The following AFF2 variants were observed in gnomAD, a reference collection of about 807,000 sequenced individuals.
The protein encoded by AFF2 is AF4/FMR2 family member 2.
AFF2 carries 14 observed loss-of-function variants against 76.9 expected under a neutral mutation model. The ratio of observed to expected loss-of-function variants is 0.18; its 90% CI spans 0.12 to 0.28. The LOEUF (loss-of-function observed/expected upper bound fraction) is 0.28. Among genes scored for constraint, AFF2 ranks in the 10% least tolerant of loss-of-function variants. The pLI is 1.00. For missense variants in AFF2, 868 were observed against 1,001.1 expected, an observed-to-expected ratio of 0.87 and a Z score of 1.79; for synonymous variants, 398 against 366.7, an observed-to-expected ratio of 1.09 and a Z score of -0.98.
chrX:148,580,851 A>C (rs1459329395), intron 1 of AFF2, among the ~76,000 whole-genome samples: 2 of 108,070 alleles, frequency 1.9e-5, no homozygotes, highest in Non-Finnish European at 3.8e-5. Context: ...TTATACTATT[A>C]TTACAGCTCT....
At chrX:148,780,560 G>A (rs1377497867) in intron 3 of AFF2, among the ~76,000 whole-genome samples, 2 of 111,691 alleles carry the variant, frequency 1.8e-5, no homozygotes, top group African/African-American at 3.3e-5. Flanking sequence ...ACTTGTGAAT[G>A]CTTCACAAAG....
chrX:148,930,755 G>A (rs1397940431), intron 9 of AFF2, among the ~76,000 whole-genome samples: 4 of 112,234 alleles, frequency 3.6e-5, no homozygotes, highest in African/African-American at 6.5e-5. Context: ...CTGACCTGAA[G>A]CTGATGAGGG....
intron 7 of AFF2, among the ~76,000 whole-genome samples, chrX:148,851,317 T>C (rs1310924884): frequency 2.7e-5 from 3 of 112,245 alleles, no homozygotes; most frequent in African/African-American, 9.7e-5. Flanking sequence ...ATCCACCCAC[T>C]TTAACAATGT....
chrX:148,620,588 C>G (rs931187656), intron 1 of AFF2, among the ~76,000 whole-genome samples: 1 of 110,145 alleles, frequency 9.1e-6, no homozygotes, highest in Admixed American at 9.7e-5. Context: ...TGATCTTACT[C>G]TGGAAAAGAC....
In AFF2 at chrX:148,612,687, C is replaced by T. The variant is rs1228743889; in HGVS notation, c.48-39312C>T. Among the ~76,000 whole-genome samples, 5 of 111,929 alleles carry T rather than the reference C, an allele frequency of 4.5e-5. No homozygotes were observed. In the Admixed American group the frequency reaches 4.7e-4, roughly 11 times the overall value. On this transcript the variant is annotated intron_variant, in intron 1 of 20. Transcript: ENST00000370460. Reference sequence around the variant, plus strand: ...CCCAGTAACTGGAAGAAACAACATGCTAGCTAAGGCCAGACATTTTGTACA... The same window carrying T: ...CCCAGTAACTGGAAGAAACAACATGTTAGCTAAGGCCAGACATTTTGTACA...
chrX:148,929,777 T>C (rs1025504113), intron 9 of AFF2, among the ~76,000 whole-genome samples: 56 of 111,820 alleles, frequency 5.0e-4, no homozygotes, highest in African/African-American at 1.7e-3. Context: ...AGATTCAAGT[T>C]GTCCAGAGGA....
chrX:148,581,290 ATACGTG>A (rs1557244761), intron 1 of AFF2, among the ~76,000 whole-genome samples: 14 of 95,225 alleles, frequency 1.5e-4, no homozygotes, highest in Non-Finnish European at 2.3e-4. Context: ...GTATATACGT[ATACGTG>A]TACACACATA....
chrX:148,704,029 G>A (rs1186437597), intron 3 of AFF2, among the ~76,000 whole-genome samples: 1 of 105,382 alleles, frequency 9.5e-6, no homozygotes, highest in African/African-American at 3.4e-5. Context: ...CCAAGTAGCT[G>A]GGACTACAGG....
intron 1 of AFF2, among the ~76,000 whole-genome samples, chrX:148,531,672 G>A (rs564201267): frequency 1.8e-5 from 2 of 111,768 alleles, no homozygotes; most frequent in Middle Eastern, 4.6e-3. Flanking sequence ...AGGGGTTAAC[G>A]TTTTCCCAAA....
intron 1 of AFF2, among the ~76,000 whole-genome samples, chrX:148,540,785 C>T (rs782354794): frequency 1.1e-3 from 123 of 111,721 alleles, no homozygotes; most frequent in African/African-American, 3.8e-3. Flanking sequence ...GGAGAATGTG[C>T]AAAACTCACG....
intron 3 of AFF2, among the ~76,000 whole-genome samples, chrX:148,732,226 A>T (rs2055229417): frequency 1.1e-5 from 1 of 90,554 alleles, no homozygotes; most frequent in Non-Finnish European, 2.1e-5. Flanking sequence ...CATATACACC[A>T]TGGAATACTA....
intron 3 of AFF2, among the ~76,000 whole-genome samples, chrX:148,790,706 G>A (rs2069882030): frequency 9.1e-6 from 1 of 110,268 alleles, no homozygotes; most frequent in Non-Finnish European, 1.9e-5. Flanking sequence ...GTTGGGGGAG[G>A]GAGACCATTA....
At chrX:148,866,293 T>G (rs1207453824) in intron 7 of AFF2, among the ~76,000 whole-genome samples, 1 of 112,269 alleles carries the variant, frequency 8.9e-6, no homozygotes. Flanking sequence ...AAACAATCAA[T>G]ACGGTAGAGT....
Position 148,988,518 on chromosome X carries a change from C to T in AFF2, c.3814+961C>T, listed in dbSNP as rs140862628. Among the ~76,000 whole-genome samples, 23 of 111,644 alleles carry T rather than the reference C, an allele frequency of 2.1e-4. No individual in the cohort carries two copies. In the East Asian group the frequency reaches 6.4e-3, roughly 31 times the overall value. ...TCCTAGCTTCTGTCTCTATAATGGA[C>T]GTAATGGTGATGATGATGGTGAAAC... On this transcript the variant is annotated intron_variant, in intron 20 of 20. Coordinates refer to ENST00000370460, the MANE Select transcript of AFF2 (RefSeq NM_002025.4).
chrX:148,670,819 C>T (rs149748208), intron 3 of AFF2, among the ~76,000 whole-genome samples: 2,184 of 111,839 alleles, frequency 0.02, 22 homozygotes, highest in Non-Finnish European at 0.029. Flanking sequence ...AAAGTAATGC[C>T]GAACTGGCTA....
At chrX:148,699,386 C>T (rs1027152682) in intron 3 of AFF2, among the ~76,000 whole-genome samples, 3 of 111,958 alleles carry the variant, frequency 2.7e-5, no homozygotes, top group Non-Finnish European at 5.6e-5. Flanking sequence ...CATTTATATC[C>T]TCTGGTTTAG....
intron 3 of AFF2, among the ~76,000 whole-genome samples, chrX:148,805,978 ACG>A (rs1261671040): frequency 8.9e-6 from 1 of 112,399 alleles, no homozygotes; most frequent in Non-Finnish European, 1.9e-5. Context: ...ATGAGAAAGG[ACG>A]CTGCAGCTCT....
Position 148,808,851 on chromosome X carries a change from G to A in AFF2, c.1042-1025G>A, listed in dbSNP as rs1372586. 9.9e-3 allele frequency among the ~76,000 whole-genome samples: 1,111 copies of A among 111,926 alleles called. 11 individuals carry two copies. Among genetic ancestry groups the A allele is most frequent in the East Asian group, 0.053 (188 of 3,567 alleles). ...GTGAGGAAATCTAGTGCCGTATTCT[G>A]TTCTTCATTTACCCAAGTATAGTTG... On this transcript the variant is annotated intron_variant, in intron 3 of 20. Coordinates refer to ENST00000370460, the MANE Select transcript of AFF2 (RefSeq NM_002025.4).
chrX:148,515,520 A>G (rs1557233699), intron 1 of AFF2, among the ~76,000 whole-genome samples: 1 of 112,047 alleles, frequency 8.9e-6, no homozygotes, highest in East Asian at 2.8e-4. Context: ...TCCCTCCATT[A>G]TTTATTAACT....
Sources: gnomAD v4.1 joint callset for allele counts (sites outside exome capture counted in the v4.1 genomes callset) on GRCh38, gnomAD v4.1.1 for gene constraint, MANE v1.5 for transcripts, NCBI Gene and HGNC (gene_info 2026-07-23, HGNC 2026-07-21) for gene names.